WFDC11: variants seen among roughly 807,000 people sequenced by gnomAD.
WFDC11 encodes the protein WAP four-disulfide core domain 11, also known as protein WFDC11.
A neutral mutation model predicts 9.9 loss-of-function variants in WFDC11; 9 were observed. That is an observed-to-expected ratio of 0.91 (90% confidence interval 0.55 to 1.58). The LOEUF (loss-of-function observed/expected upper bound fraction) is 1.58. Ranked by LOEUF, WFDC11 falls within the 40% of genes most tolerant of loss-of-function variation. The pLI, the probability that WFDC11 is intolerant of heterozygous loss-of-function variation, is 0.00. For missense variants in WFDC11, 106 were observed against 101.7 expected (o/e 1.04, Z -0.18); for synonymous variants, 32 against 33.3 (o/e 0.96, Z 0.13).
At chr20:45,661,099 G>T (rs1053639265) in intron 2 of WFDC11, among the ~76,000 whole-genome samples, 3 of 152,092 alleles carry the variant, frequency 2.0e-5, no homozygotes, top group African/African-American at 4.8e-5. Context: ...ACTTTTTAAT[G>T]ATTGCCATTC....
chr20:45,652,359 T>A (rs1265155159), intron 2 of WFDC11, among the ~76,000 whole-genome samples: 2 of 152,174 alleles, frequency 1.3e-5, no homozygotes, highest in Non-Finnish European at 2.9e-5. Flanking sequence ...CCAATAGACC[T>A]GCAGCTGAGG....
chr20:45,669,798 A>G (rs1330786078), intron 1 of WFDC11, among the ~76,000 whole-genome samples: 4 of 152,294 alleles, frequency 2.6e-5, no homozygotes, highest in Non-Finnish European at 4.4e-5. Context: ...CAAAGCTAGT[A>G]GAAGAAAAGA....
chr20:45,651,722 C>T (rs1461405700), intron 2 of WFDC11, among the ~76,000 whole-genome samples: 5 of 152,316 alleles, frequency 3.3e-5, no homozygotes, highest in Middle Eastern at 3.4e-3. Flanking sequence ...CCTGGAAAAT[C>T]GGGTCACTCC....
intron 2 of WFDC11, among the ~76,000 whole-genome samples, chr20:45,656,489 G>T (rs1231521639): frequency 2.6e-5 from 4 of 152,170 alleles, no homozygotes; most frequent in African/African-American, 9.7e-5. Flanking sequence ...AACCCTGGAA[G>T]AAAACCTAGG....
intron 2 of WFDC11, among the ~76,000 whole-genome samples, chr20:45,657,692 G>C (rs1982967478): frequency 6.6e-6 from 1 of 152,092 alleles, no homozygotes; most frequent in African/African-American, 2.4e-5. Flanking sequence ...AATGAGAATT[G>C]TTCCCCCTTC....
chr20:45,650,267 CAG>C (rs921450582), intron 3 of WFDC11, among the ~76,000 whole-genome samples: 7 of 150,348 alleles, frequency 4.7e-5, no homozygotes, highest in Admixed American at 6.6e-5. Context: ...GAGAGAGAGA[CAG>C]AGAGAGAGAG....
intron 2 of WFDC11, among the ~76,000 whole-genome samples, chr20:45,656,256 G>A (rs1392988333): frequency 1.3e-5 from 2 of 151,948 alleles, no homozygotes; most frequent in African/African-American, 2.4e-5. Flanking sequence ...GAATGGAACA[G>A]AACAGAGGGC....
At chr20:45,655,055 A>C (rs1982895224) in intron 2 of WFDC11, among the ~76,000 whole-genome samples, 1 of 152,218 alleles carries the variant, frequency 6.6e-6, no homozygotes, top group African/African-American at 2.4e-5. Flanking sequence ...CAATAGAAAA[A>C]GAGGGAATCC....
rs1015411012 is a variant in WFDC11, at chr20:45,651,978, CT to C, written c.-51-1328del. On this transcript the variant is annotated intron_variant, in intron 2 of 4. Coordinates refer to ENST00000324384, the MANE Select transcript of WFDC11 (RefSeq NM_147197.2). ...TGGAGGCTACCACAGCTCAAGAGGCCTGCCTGCCTCTGTAGACTCCACCTCT... is the reference window on the plus strand; with the variant it reads ...TGGAGGCTACCACAGCTCAAGAGGCCGCCTGCCTCTGTAGACTCCACCTCT... 3.0e-4 allele frequency among the ~76,000 whole-genome samples: 45 copies of C among 152,248 alleles called. 1 individual carries two copies. Among genetic ancestry groups the C allele is most frequent in the Non-Finnish European group, 1.5e-5 (1 of 68,040 alleles).
intron 3 of WFDC11, 39 bp downstream of exon 3, chr20:45,650,462 T>TC: frequency 1.3e-6 from 2 of 1,536,266 alleles, no homozygotes; most frequent in Admixed American, 1.7e-5. Flanking sequence ...AACAAGCTCA[T>TC]CCCCCTCCTG....
chr20:45,656,276 A>G (rs1183412069), intron 2 of WFDC11, among the ~76,000 whole-genome samples: 1 of 152,194 alleles, frequency 6.6e-6, no homozygotes, highest in Non-Finnish European at 1.5e-5. Flanking sequence ...CTCAGAAATA[A>G]CACCACACAT....
chr20:45,656,280 C>T (rs920471282), intron 2 of WFDC11, among the ~76,000 whole-genome samples: 1 of 151,990 alleles, frequency 6.6e-6, no homozygotes, highest in Admixed American at 6.6e-5. Context: ...GAAATAACAC[C>T]ACACATCTAC....
intron 2 of WFDC11, among the ~76,000 whole-genome samples, chr20:45,665,242 C>T (rs974069923): frequency 2.0e-5 from 3 of 152,172 alleles, no homozygotes; most frequent in East Asian, 1.9e-4. Flanking sequence ...ACGAAGTTCT[C>T]GTGCCATGGT....
At chr20:45,664,001 CCTGT>C (rs1405551421) in intron 2 of WFDC11, among the ~76,000 whole-genome samples, 1 of 152,026 alleles carries the variant, frequency 6.6e-6, no homozygotes, top group Non-Finnish European at 1.5e-5. Context: ...GTCTCGTTGA[CCTGT>C]CTAATATTGA....
intron 3 of WFDC11, among the ~76,000 whole-genome samples, chr20:45,650,010 T>C (rs1207184240): frequency 5.3e-5 from 8 of 152,104 alleles, no homozygotes; most frequent in African/African-American, 1.9e-4. Flanking sequence ...TTCCTAACTT[T>C]TCACATTCTG....
intron 2 of WFDC11, among the ~76,000 whole-genome samples, chr20:45,660,837 T>C (rs2145621230): frequency 6.6e-6 from 1 of 152,350 alleles, no homozygotes; most frequent in East Asian, 1.9e-4. Context: ...TTGGCTCGGT[T>C]CCAAGTCTTT....
chr20:45,654,108 C>G (rs1982869191), intron 2 of WFDC11, among the ~76,000 whole-genome samples: 1 of 152,052 alleles, frequency 6.6e-6, no homozygotes, highest in African/African-American at 2.4e-5. Flanking sequence ...AACTCTCCAC[C>G]CCAAATCAAC....
intron 2 of WFDC11, among the ~76,000 whole-genome samples, chr20:45,661,605 G>C (rs1983067374): frequency 6.6e-6 from 1 of 152,274 alleles, no homozygotes; most frequent in East Asian, 1.9e-4. Context: ...TACGGTGTAA[G>C]GAAGGGATCC....
At chr20:45,661,612 A>T (rs927799516) in intron 2 of WFDC11, among the ~76,000 whole-genome samples, 1 of 152,112 alleles carries the variant, frequency 6.6e-6, no homozygotes, top group Non-Finnish European at 1.5e-5. Context: ...TAAGGAAGGG[A>T]TCCAGTTTCA....
Sources: gnomAD v4.1 joint callset for allele counts (sites outside exome capture counted in the v4.1 genomes callset) on GRCh38, gnomAD v4.1.1 for gene constraint, MANE v1.5 for transcripts, NCBI Gene and HGNC (gene_info 2026-07-23, HGNC 2026-07-21) for gene names.